The following IGSF1 variants were observed in gnomAD, a reference collection of about 807,000 sequenced individuals.
IGSF1 encodes immunoglobulin-like domain-containing protein 1.
IGSF1 carries 40 observed loss-of-function variants against 95.3 expected under a neutral mutation model. The ratio of observed to expected loss-of-function variants is 0.42; its 90% CI spans 0.33 to 0.55. IGSF1 has a LOEUF of 0.55. Among genes scored for constraint, IGSF1 ranks in the 20% least tolerant of loss-of-function variants. IGSF1 has a pLI of 0.10. For synonymous variants in IGSF1, 372 were observed against 382.9 expected, an observed-to-expected ratio of 0.97 and a Z score of 0.33; for missense variants, 906 against 1,025.4, an observed-to-expected ratio of 0.88 and a Z score of 1.59.
chrX:131,278,580 A>G lies in IGSF1; in HGVS notation c.1922T>C (p.Val641Ala), dbSNP rs767488797. 2.5e-6 allele frequency: 3 copies of G among 1,210,791 alleles called. No individual in the cohort carries two copies. The highest frequency in any genetic ancestry group is 3.4e-6 in the Non-Finnish European group (3 of 894,750). The part of the protein sequence containing the change: ...WIATRPASEQ[V>A]RAAFPLGALT... The stretch of plus-strand genomic sequence containing the variant: ...GGCGCCAAGGGGGAAGGCAGCCCGG[A>G]CCTGCTCTGAGGCCGGGCGAGTGGC... The change falls in exon 12 of 20, where the codon GTC becomes GCC. Residue 641 changes from valine (V) to alanine (A), a missense_variant. Physicochemically the swap from Val to Ala is moderately conservative, Grantham distance 64 (BLOSUM62 0). Coordinates refer to ENST00000361420, the MANE Select transcript of IGSF1 (RefSeq NM_001555.5).
chrX:131,275,427 A>G (rs780970509), intron 16 of IGSF1, 51 bp downstream of exon 16: 5 of 1,141,892 alleles, frequency 4.4e-6, no homozygotes, highest in East Asian at 6.0e-5. Flanking sequence ...GAACTAGTCT[A>G]TTCCCTCCTT....
chrX:131,274,280 C>A, intron 18 of IGSF1, 74 bp from the exon 19 acceptor site: 1 of 1,155,138 alleles, frequency 8.7e-7, no homozygotes, highest in Admixed American at 2.2e-5. Context: ...CTGGTATTGC[C>A]CCACACTCTG....
rs1182939281 is a variant in IGSF1, at chrX:131,273,718, T to C, written c.*78A>G. 9.8e-7 allele frequency: 1 copy of C among 1,016,468 alleles called. No individual in the cohort carries two copies. Among genetic ancestry groups the C allele is most frequent in the Non-Finnish European group, 1.3e-6 (1 of 741,973 alleles). The allele number at this position is 1,016,468 out of a possible 1,213,427, so 83.8% of individuals were successfully genotyped here. A position where few individuals can be genotyped will look rare whatever the true frequency, so the allele number is the denominator to read the frequency against. The stretch of plus-strand genomic sequence containing the variant: ...CAAGGAACAGCAGATGGGGCTGACT[T>C]GCAGGGTAACTGGTTGGATTTATAG... On this transcript the variant is annotated 3_prime_UTR_variant, in exon 20 of 20. Coordinates refer to ENST00000361420, the MANE Select transcript of IGSF1 (RefSeq NM_001555.5).
intron 9 of IGSF1, 28 bp downstream of exon 9, chrX:131,281,190 G>C: frequency 8.3e-7 from 1 of 1,206,435 alleles, no homozygotes; most frequent in Non-Finnish European, 1.1e-6. Flanking sequence ...TTAGGTTGGG[G>C]AACAGGGGGC....
chrX:131,279,469 G>A (rs2080525678), intron 9 of IGSF1, 128 bp from the exon 10 acceptor site: 1 of 516,344 alleles, frequency 1.9e-6, no homozygotes, highest in South Asian at 2.9e-5. Context: ...CAAGATAATG[G>A]GATATAATCT....
intron 14 of IGSF1, 33 bp from the exon 15 acceptor site, chrX:131,276,281 C>A: frequency 8.8e-7 from 1 of 1,138,743 alleles, no homozygotes; most frequent in Non-Finnish European, 1.2e-6. Context: ...ATGAGATAAA[C>A]CCAGCCCTCA....
At chrX:131,284,414 C>T (rs748435927) in intron 5 of IGSF1, 1 of 523,156 alleles carries the variant, frequency 1.9e-6, no homozygotes, top group Admixed American at 9.0e-5. Flanking sequence ...GAGGCAGTGT[C>T]AGAAATAGAA....
At position 131,278,062 on chromosome X, in the gene IGSF1, C is replaced by G. The variant is rs1269403296; in HGVS notation, c.2114G>C (p.Gly705Ala). The G allele has an allele frequency of 8.3e-7, 1 of 1,211,094 alleles. No individual in the cohort carries two copies. Among genetic ancestry groups the G allele is most frequent in the Non-Finnish European group, 1.1e-6 (1 of 894,882 alleles). ...AGCAAACCCCATGCCTGCCAGCCATCCTTTGCACCGGAGTTGTAGTTCCTG... is the reference window on the plus strand; with the variant it reads ...AGCAAACCCCATGCCTGCCAGCCATGCTTTGCACCGGAGTTGTAGTTCCTG... ...RGQELQLRCK[G>A]WLAGMGFALY... Residue 705 changes from glycine to alanine, a missense_variant, in exon 13 of 20, where the codon GGA becomes GCA. By Grantham distance (60) the Gly-to-Ala change is moderately conservative. Coordinates refer to ENST00000361420, the MANE Select transcript of IGSF1 (RefSeq NM_001555.5).
At chrX:131,288,365 A>G (rs1191369463) in intron 1 of IGSF1, among the ~76,000 whole-genome samples, 1 of 111,618 alleles carries the variant, frequency 9.0e-6, no homozygotes, top group African/African-American at 3.3e-5. Flanking sequence ...CTCAGTTCCT[A>G]CAGTCCCTTG....
rs143211470 is a variant in IGSF1, at chrX:131,275,095, C to T, written c.3376G>A (p.Gly1126Ser). 8.8e-4 allele frequency: 1,065 copies of T among 1,209,191 alleles called. 6 individuals carry two copies. In the African/African-American group the frequency reaches 0.016, roughly 19 times the overall value. The change falls in exon 17 of 20, where the codon GGT becomes AGT. Residue 1126 changes from glycine (G) to serine (S), a missense_variant. Physicochemically the swap from Gly to Ser is moderately conservative, Grantham distance 56. Transcript: ENST00000361420. ...CAGCTATAGATCCCAGAGTCTTCAC[C>T]TCTCACTGCTGGCATCCAGAAGTCA... ...RADFWMPAVR[G>S]EDSGIYSCVY...
rs1345387467 is a variant in IGSF1 at position 131,274,816 on chromosome X, G to A, written c.3534C>T (p.Asp1178=). The change falls in exon 18 of 20, where the codon GAC becomes GAT. Residue 1178 remains aspartate (D), a synonymous_variant. Coordinates refer to ENST00000361420, the MANE Select transcript of IGSF1 (RefSeq NM_001555.5). ...WPSTMFKLGK[D]ITLQCRGPLP... ...GGGGTCCTCGGCACTGAAGGGTGAT[G>A]TCCTTCCCTAACTTGAACATGGTGC... The A allele has an allele frequency of 1.7e-6, 2 of 1,211,322 alleles. No individual in the cohort carries two copies. Among genetic ancestry groups the A allele is most frequent in the Non-Finnish European group, 2.2e-6 (2 of 894,842 alleles).
In IGSF1 at chrX:131,278,458, T is replaced by C; in HGVS notation, c.2041+3A>G. 8.4e-7 allele frequency: 1 copy of C among 1,186,841 alleles called. No individual in the cohort carries two copies. Among genetic ancestry groups the C allele is most frequent in the South Asian group, 1.9e-5 (1 of 53,488 alleles). On this transcript the variant is annotated splice_donor_region_variant and intron_variant, in intron 12 of 19. Coordinates refer to ENST00000361420, the MANE Select transcript of IGSF1 (RefSeq NM_001555.5). Reference sequence around the variant, plus strand: ...CTCCCGGAGACCCTCTACATTTTCTTACCTGTCCCCACCAGCTCAAGTGCC... The same window carrying C: ...CTCCCGGAGACCCTCTACATTTTCTCACCTGTCCCCACCAGCTCAAGTGCC...
At chrX:131,283,680 A>G (rs1603405572) in intron 5 of IGSF1, among the ~76,000 whole-genome samples, 1 of 112,702 alleles carries the variant, frequency 8.9e-6, no homozygotes, top group East Asian at 2.8e-4. Context: ...AGCTCATTTA[A>G]GACCCTACTT....
At position 131,285,201 on chromosome X, in the gene IGSF1, G is replaced by T; in HGVS notation, c.645C>A (p.Asn215Lys). The change falls in exon 5 of 20, where the codon AAC becomes AAA. Residue 215 changes from asparagine (N) to lysine (K), a missense_variant. Physicochemically the swap from Asn to Lys is moderately conservative, Grantham distance 94. Transcript: ENST00000361420. The stretch of plus-strand genomic sequence containing the variant: ...CACCTGCTACAACCAGCTTCAGGGG[G>T]TTGCTGGGCTCTGACCACAGGGTGG... ...MLPTLWSEPS[N>K]PLKLVVAGLY... 1 of 1,196,783 alleles carries T rather than the reference G, an allele frequency of 8.4e-7. No individual in the cohort carries two copies. The highest frequency in any genetic ancestry group is 2.2e-5 in the Admixed American group (1 of 45,157).
Position 131,289,259 on chromosome X carries a change from C to T in IGSF1, c.-113G>A. The T allele has an allele frequency of 2.7e-6, 1 of 375,421 alleles. No individual in the cohort carries two copies. The highest frequency in any genetic ancestry group is 5.2e-6 in the Non-Finnish European group (1 of 192,524). 30.9% of individuals were successfully genotyped at this position (375,421 alleles called of 1,213,427 possible). A position where few individuals can be genotyped will look rare whatever the true frequency, so the allele number is the denominator to read the frequency against. ...GATGTTGGAGATTCTCCAGTGAGCT[C>T]CTCCAGATGCAGCAAACTGCCCGGC... is the stretch of plus-strand genomic sequence containing the variant. On this transcript the variant is annotated 5_prime_UTR_variant, in exon 1 of 20. Coordinates refer to ENST00000361420, the MANE Select transcript of IGSF1 (RefSeq NM_001555.5).
rs777039530 is a variant in IGSF1, at chrX:131,275,645, C to T, written c.3017G>A (p.Gly1006Glu). The change falls in exon 16 of 20, where the codon GGA becomes GAA. Residue 1006 changes from glycine to glutamate, a missense_variant. Transcript: ENST00000361420. The stretch of plus-strand genomic sequence containing the variant: ...CCAGAGCTGCATTGAAGTGGCTTCT[C>T]CTTCTTTGTGCAGAATGTATCCTAC... ...HGVGYILHKE[G>E]EATSMQLWGS... The T allele has an allele frequency of 9.9e-6, 12 of 1,209,702 alleles. No individual in the cohort carries two copies. In the African/African-American group the frequency reaches 1.8e-4, roughly 18 times the overall value.
Position 131,279,214 on chromosome X carries a change from C to G in IGSF1, c.1718-39G>C, listed in dbSNP as rs752340617. On this transcript the variant is annotated intron_variant, in intron 10 of 19. Coordinates refer to ENST00000361420, the MANE Select transcript of IGSF1 (RefSeq NM_001555.5). ...TGCTGCCAGGACTCGGCCCCCTCCCCCACCGGGACTTCACCCCGGCCTTCT... is the reference window on the plus strand; with the variant it reads ...TGCTGCCAGGACTCGGCCCCCTCCCGCACCGGGACTTCACCCCGGCCTTCT... 3 of 1,210,492 alleles carry G rather than the reference C, an allele frequency of 2.5e-6. No individual in the cohort carries two copies. In the East Asian group the frequency reaches 8.9e-5, roughly 36 times the overall value.
intron 14 of IGSF1, 129 bp downstream of exon 14, chrX:131,276,809 TG>T: frequency 1.6e-6 from 1 of 618,614 alleles, no homozygotes; most frequent in Non-Finnish European, 2.5e-6. Context: ...CTGGTCACTA[TG>T]GGCCAGCCGC....
chrX:131,285,816 C>A lies in IGSF1; in HGVS notation c.330G>T (p.Lys110Asn). The A allele has an allele frequency of 1.7e-6, 2 of 1,211,307 alleles. No homozygotes were observed. Among genetic ancestry groups the A allele is most frequent in the Non-Finnish European group, 2.2e-6 (2 of 895,156 alleles). ...TACTGGGCTTTGACCAGCCTGTCTC[C>A]TTCCAGTAGCAGCACCGGTAAAGAC... ...NAGLYRCCYW[K>N]ETGWSKPSKV... is the part of the protein sequence containing the mutation. Residue 110 changes from lysine to asparagine, a missense_variant, in exon 4 of 20, where the codon AAG (lysine) becomes AAT (asparagine). This residue lies in a region of IGSF1 where 442 missense variants were observed against 448.1 expected (regional missense o/e 0.99). Coordinates refer to ENST00000361420, the MANE Select transcript of IGSF1 (RefSeq NM_001555.5).
Sources: gnomAD v4.1 joint callset for allele counts (sites outside exome capture counted in the v4.1 genomes callset) on GRCh38, gnomAD v4.1.1 for gene constraint, gnomAD v4.1.1 regional missense constraint, MANE v1.5 for transcripts, NCBI Gene and HGNC (gene_info 2026-07-23, HGNC 2026-07-21) for gene names.